Variants in TTC28 observed in about 807,000 individuals in gnomAD.
TTC28 encodes the protein tetratricopeptide repeat protein 28.
Under a neutral mutation model 198.0 loss-of-function variants are expected in TTC28, and 61 were observed. The observed-to-expected ratio is 0.31, with a 90% CI of 0.25 to 0.38. The LOEUF (loss-of-function observed/expected upper bound fraction) is 0.38. Ranked by LOEUF, TTC28 falls within the 10% of genes least tolerant of loss-of-function variation. The pLI is 1.00. For missense variants in TTC28, 2,678 were observed against 3,164.0 expected (o/e 0.85, Z 3.69); for synonymous variants, 1,171 against 1,297.8 (o/e 0.90, Z 2.10).
chr22:28,353,559 G>C (rs568427039), intron 2 of TTC28, among the ~76,000 whole-genome samples: 15 of 152,060 alleles, frequency 9.9e-5, no homozygotes, highest in African/African-American at 3.6e-4. Flanking sequence ...TCGACTGATC[G>C]CTAAATTTTC....
chr22:28,203,398 C>A (rs1926136503), intron 5 of TTC28, among the ~76,000 whole-genome samples: 1 of 152,110 alleles, frequency 6.6e-6, no homozygotes, highest in Admixed American at 6.5e-5. Flanking sequence ...AAAATGGTAG[C>A]TATTTTTATT....
chr22:28,385,557 T>C lies in TTC28; in HGVS notation c.382-78914A>G, dbSNP rs551869799. On this transcript the variant is annotated intron_variant, in intron 2 of 22. Coordinates refer to ENST00000397906, the MANE Select transcript of TTC28 (RefSeq NM_001145418.2). ...TTATAATACCTACTTTTCAGGATTA[T>C]CATGAGGAGTAAATAAAATAATATA... 3.9e-5 allele frequency among the ~76,000 whole-genome samples: 6 copies of C among 152,034 alleles called. No individual in the cohort carries two copies. In the South Asian group the frequency reaches 1.2e-3, roughly 32 times the overall value.
chr22:28,532,235 A>ATTT (rs1400031371), intron 2 of TTC28, among the ~76,000 whole-genome samples: 11 of 152,214 alleles, frequency 7.2e-5, no homozygotes, highest in Admixed American at 2.0e-4. Context: ...ACCACCACCG[A>ATTT]TCCCACGGAA....
intron 2 of TTC28, among the ~76,000 whole-genome samples, chr22:28,619,434 T>C (rs1401669859): frequency 6.6e-6 from 1 of 152,210 alleles, no homozygotes; most frequent in Non-Finnish European, 1.5e-5. Flanking sequence ...TTCACATGCG[T>C]ATTATGCCAA....
intron 12 of TTC28, among the ~76,000 whole-genome samples, chr22:28,085,853 G>A (rs953652481): frequency 5.9e-5 from 9 of 152,044 alleles, no homozygotes; most frequent in African/African-American, 1.7e-4. Flanking sequence ...AAAGGCAGGG[G>A]TTGCAATCCT....
intron 12 of TTC28, among the ~76,000 whole-genome samples, chr22:28,033,989 A>G (rs11090520): frequency 0.066 from 10,034 of 152,314 alleles, 459 homozygotes; most frequent in Admixed American, 0.14. Flanking sequence ...TGAATGGACA[A>G]TCATTACAGG....
intron 2 of TTC28, among the ~76,000 whole-genome samples, chr22:28,445,527 G>A (rs1232179802): frequency 2.0e-4 from 30 of 152,196 alleles, no homozygotes; most frequent in Admixed American, 2.0e-3. Context: ...ACCATGGACT[G>A]TAATGCCCTT....
intron 2 of TTC28, among the ~76,000 whole-genome samples, chr22:28,373,381 A>T (rs1379830395): frequency 6.6e-6 from 1 of 152,170 alleles, no homozygotes; most frequent in Admixed American, 6.5e-5. Context: ...AGATGACCAA[A>T]TCAAGGGGAA....
At chr22:28,647,474 A>G (rs1480414534) in intron 1 of TTC28, among the ~76,000 whole-genome samples, 1 of 152,164 alleles carries the variant, frequency 6.6e-6, no homozygotes, top group Non-Finnish European at 1.5e-5. Flanking sequence ...GTATTTGCAA[A>G]CTATGCATCT....
intron 5 of TTC28, among the ~76,000 whole-genome samples, chr22:28,209,787 A>T (rs1926748911): frequency 6.6e-6 from 1 of 152,204 alleles, no homozygotes; most frequent in South Asian, 2.1e-4. Context: ...TGAAGAGAGT[A>T]GTGGTTCTCT....
intron 2 of TTC28, among the ~76,000 whole-genome samples, chr22:28,547,698 T>C (rs1201718206): frequency 6.6e-6 from 1 of 151,944 alleles, no homozygotes; most frequent in African/African-American, 2.4e-5. Flanking sequence ...ATTCCTTCCA[T>C]AGTCAGACTC....
intron 2 of TTC28, among the ~76,000 whole-genome samples, chr22:28,465,001 C>T (rs1017587225): frequency 7.2e-5 from 11 of 152,154 alleles, no homozygotes; most frequent in African/African-American, 2.7e-4. Flanking sequence ...TTATAGACTC[C>T]CCCAAAACTT....
intron 6 of TTC28, among the ~76,000 whole-genome samples, chr22:28,113,420 C>G (rs1193088371): frequency 6.6e-6 from 1 of 152,154 alleles, no homozygotes; most frequent in African/African-American, 2.4e-5. Context: ...GGAAAAGGCC[C>G]TCCCATGGGT....
At chr22:28,533,164 T>C (rs1007714944) in intron 2 of TTC28, among the ~76,000 whole-genome samples, 1 of 152,128 alleles carries the variant, frequency 6.6e-6, no homozygotes, top group African/African-American at 2.4e-5. Context: ...AACCCCATCA[T>C]CTCAGCCCAA....
At chr22:28,476,617 T>C (rs1006229337) in intron 2 of TTC28, among the ~76,000 whole-genome samples, 2 of 152,210 alleles carry the variant, frequency 1.3e-5, no homozygotes, top group African/African-American at 4.8e-5. Flanking sequence ...TTAAATGGCA[T>C]TTCTATAAAT....
intron 2 of TTC28, among the ~76,000 whole-genome samples, chr22:28,605,365 A>C (rs2050712704): frequency 6.6e-6 from 1 of 152,232 alleles, no homozygotes; most frequent in South Asian, 2.1e-4. Flanking sequence ...GCCTTAAGAG[A>C]GTCATTTCAA....
chr22:28,333,123 T>C (rs2045642498), intron 2 of TTC28, among the ~76,000 whole-genome samples: 1 of 152,048 alleles, frequency 6.6e-6, no homozygotes, highest in Admixed American at 6.6e-5. Flanking sequence ...CAAACAAAAC[T>C]AAAACAATTT....
At chr22:28,050,499 A>G (rs1940046205) in intron 12 of TTC28, among the ~76,000 whole-genome samples, 1 of 152,244 alleles carries the variant, frequency 6.6e-6, no homozygotes, top group Non-Finnish European at 1.5e-5. Flanking sequence ...AGGTCTCTGG[A>G]AAGAACATTT....
In TTC28 at chr22:28,005,626, G is replaced by A. The variant is rs1357374174; in HGVS notation, c.4219-4073C>T. Among the ~76,000 whole-genome samples, 3 of 152,164 alleles carry A rather than the reference G, an allele frequency of 2.0e-5. No individual in the cohort carries two copies. Among genetic ancestry groups the A allele is most frequent in the Non-Finnish European group, 2.9e-5 (2 of 68,012 alleles). ...CATCCAGAGGGGCCTGCCCAGCCAC[G>A]GGCCCAGAGCGCTGTCCCGTTGCCA... On this transcript the variant is annotated intron_variant, in intron 14 of 22. Transcript: ENST00000397906. This position sits in a 1 kb window ranked among gnomAD's most constrained non-coding sequence, Gnocchi z 4.9.
Sources: gnomAD v4.1 joint callset for allele counts (sites outside exome capture counted in the v4.1 genomes callset) on GRCh38, gnomAD v4.1.1 for gene constraint, Gnocchi (gnomAD v3.1) non-coding constraint, MANE v1.5 for transcripts, NCBI Gene and HGNC (gene_info 2026-07-23, HGNC 2026-07-21) for gene names.